Variants in RIMS1 observed in about 807,000 individuals in gnomAD.
RIMS1 encodes the protein regulating synaptic membrane exocytosis 1, also known as regulating synaptic membrane exocytosis protein 1.
RIMS1 carries 83 observed loss-of-function variants against 214.1 expected under a neutral mutation model. The ratio of observed to expected loss-of-function variants is 0.39; its 90% CI spans 0.32 to 0.47. The LOEUF (loss-of-function observed/expected upper bound fraction) is 0.47, where lower values mean the gene tolerates loss of function less well. Among genes scored for constraint, RIMS1 ranks in the 20% least tolerant of loss-of-function variants. The pLI is 0.99. For synonymous variants in RIMS1, 793 were observed against 786.8 expected, an observed-to-expected ratio of 1.01 and a Z score of -0.13; for missense variants, 2,050 against 2,161.8, an observed-to-expected ratio of 0.95 and a Z score of 1.03.
intron 31 of RIMS1, among the ~76,000 whole-genome samples, chr6:72,394,638 C>A (rs1341743359): frequency 6.6e-6 from 1 of 151,810 alleles, no homozygotes; most frequent in African/African-American, 2.4e-5. Flanking sequence ...AGTTGAGAGA[C>A]AGGTAGAAGT....
chr6:71,969,430 G>C (rs982236286), intron 2 of RIMS1, among the ~76,000 whole-genome samples: 2 of 152,128 alleles, frequency 1.3e-5, no homozygotes, highest in Non-Finnish European at 2.9e-5. Context: ...GCTGAGTGGG[G>C]GCCAGTGTGT....
At chr6:72,318,118 T>A (rs1168058565) in intron 28 of RIMS1, among the ~76,000 whole-genome samples, 1 of 152,192 alleles carries the variant, frequency 6.6e-6, no homozygotes, top group Admixed American at 6.5e-5. Context: ...CAATGTGTTA[T>A]ACTCACATAA....
At chr6:72,083,266 A>T (rs1433772307) in intron 2 of RIMS1, among the ~76,000 whole-genome samples, 1 of 152,218 alleles carries the variant, frequency 6.6e-6, no homozygotes, top group Non-Finnish European at 1.5e-5. Context: ...TACATTTATC[A>T]GTGCAGTGAT....
intron 29 of RIMS1, among the ~76,000 whole-genome samples, chr6:72,372,706 A>G (rs1237619417): frequency 1.3e-5 from 2 of 152,230 alleles, no homozygotes; most frequent in Admixed American, 6.5e-5. Flanking sequence ...GGAAAGAACT[A>G]AAAGTGGTTT....
intron 2 of RIMS1, 87 bp from the exon 3 acceptor site, chr6:72,096,862 T>C: frequency 1.7e-6 from 2 of 1,167,606 alleles, no homozygotes; most frequent in Non-Finnish European, 2.5e-6. Context: ...TGCTTCCTTT[T>C]TGTTAGGAAA....
chr6:71,929,126 C>A (rs548017236), intron 1 of RIMS1, among the ~76,000 whole-genome samples: 1 of 152,128 alleles, frequency 6.6e-6, no homozygotes, highest in Non-Finnish European at 1.5e-5. Flanking sequence ...TGTCTATTTT[C>A]TGTTTTTCTA....
intron 2 of RIMS1, among the ~76,000 whole-genome samples, chr6:72,088,721 A>C (rs1835353758): frequency 6.6e-6 from 1 of 152,292 alleles, no homozygotes; most frequent in Admixed American, 6.5e-5. Context: ...TTTTGGTGCA[A>C]GAAAGTTTTG....
Position 72,216,193 on chromosome 6 carries a change from C to A in RIMS1, c.1679-17580C>A, listed in dbSNP as rs567707497. Among the ~76,000 whole-genome samples, 7 of 151,552 alleles carry A rather than the reference C, an allele frequency of 4.6e-5. No homozygotes were observed. In the East Asian group the frequency reaches 1.4e-3, roughly 29 times the overall value. ...TTACTGTTGCTGTTGTTCTGTAACA[C>A]AAAATATGGGTGGATGAAGTAAAAT... On this transcript the variant is annotated intron_variant, in intron 6 of 33. Transcript: ENST00000521978.
chr6:72,247,970 T>C, intron 11 of RIMS1, 45 bp from the exon 12 acceptor site: 1 of 1,254,330 alleles, frequency 8.0e-7, no homozygotes, highest in Non-Finnish European at 1.2e-6. Flanking sequence ...ATTAAAAATA[T>C]TTCCTACACT....
intron 29 of RIMS1, among the ~76,000 whole-genome samples, chr6:72,362,763 AT>A (rs2097865683): frequency 6.6e-6 from 1 of 152,132 alleles, no homozygotes; most frequent in Admixed American, 6.5e-5. Flanking sequence ...ATCTTTATTC[AT>A]TTATTTATGT....
chr6:72,268,516 A>G (rs1044261298), intron 22 of RIMS1, among the ~76,000 whole-genome samples: 1 of 152,166 alleles, frequency 6.6e-6, no homozygotes, highest in African/African-American at 2.4e-5. Flanking sequence ...AACCTTTAAC[A>G]CAAGTTTTCT....
chr6:72,362,525 GA>G (rs938914783), intron 29 of RIMS1, among the ~76,000 whole-genome samples: 3 of 152,112 alleles, frequency 2.0e-5, no homozygotes, highest in African/African-American at 4.8e-5. Context: ...TATGTGTAAT[GA>G]GGGGGGAAGA....
At chr6:71,939,767 A>G (rs970838686) in intron 1 of RIMS1, among the ~76,000 whole-genome samples, 10 of 152,148 alleles carry the variant, frequency 6.6e-5, no homozygotes, top group African/African-American at 2.4e-4. Context: ...TAAAGTTTCC[A>G]CCTCTTAATA....
At chr6:72,351,243 C>A (rs2097436676) in intron 29 of RIMS1, among the ~76,000 whole-genome samples, 1 of 151,738 alleles carries the variant, frequency 6.6e-6, no homozygotes, top group Non-Finnish European at 1.5e-5. Flanking sequence ...CCTTTGTTCC[C>A]ACCATTAAAT....
At chr6:72,228,345 A>C (rs1185578172) in intron 6 of RIMS1, among the ~76,000 whole-genome samples, 1 of 151,756 alleles carries the variant, frequency 6.6e-6, no homozygotes, top group African/African-American at 2.4e-5. Context: ...CCACCACTCT[A>C]TTCTCTGTTT....
chr6:72,007,667 C>A (rs1376075456), intron 2 of RIMS1, among the ~76,000 whole-genome samples: 2 of 152,166 alleles, frequency 1.3e-5, no homozygotes, highest in African/African-American at 4.8e-5. Context: ...ATGAGAACTA[C>A]GTGACGAATG....
intron 4 of RIMS1, among the ~76,000 whole-genome samples, chr6:72,153,008 GTA>G (rs1321257950): frequency 5.7e-4 from 5 of 8,842 alleles, no homozygotes; most frequent in East Asian, 6.8e-3. Flanking sequence ...GTTTATATAT[GTA>G]TATATATGTG....
rs1207964264 is a variant in RIMS1, at chr6:72,245,839, C to T, written c.2106C>T (p.Ser702=). The change falls in exon 11 of 34, where the codon AGC becomes AGT. Residue 702 remains serine (S), a synonymous_variant. Transcript: ENST00000521978. ...GTGACATTCCCCGGATTCCTGAGAG[C>T]TCCCACCCTCCACTGGAGTCCAGTG... ...PIGDIPRIPE[S]SHPPLESSSS... 1.2e-6 allele frequency: 2 copies of T among 1,608,182 alleles called. No individual in the cohort carries two copies. The highest frequency in any genetic ancestry group is 2.7e-5 in the African/African-American group (2 of 74,774).
Position 72,039,286 on chromosome 6 carries a change from T to G in RIMS1, c.246-57663T>G, listed in dbSNP as rs1220040439. Among the ~76,000 whole-genome samples, 10 of 152,278 alleles carry G rather than the reference T, an allele frequency of 6.6e-5. No homozygotes were observed. In the East Asian group the frequency reaches 7.7e-4, roughly 12 times the overall value. ...CAAATATAGAAACCAATTTAATGAT[T>G]CTTATATATTTTTGGCAATGAAAAG... On this transcript the variant is annotated intron_variant, in intron 2 of 33. Coordinates refer to ENST00000521978, the MANE Select transcript of RIMS1 (RefSeq NM_014989.7).
Sources: allele counts gnomAD v4.1 joint callset (sites outside exome capture counted in the v4.1 genomes callset), GRCh38; gene constraint gnomAD v4.1.1; transcripts MANE v1.5; gene names NCBI Gene and HGNC (gene_info 2026-07-23, HGNC 2026-07-21).